POR: variants seen among roughly 807,000 people sequenced by gnomAD.
POR encodes the protein NADPH--cytochrome P450 reductase.
In POR, 56 loss-of-function variants were observed where a neutral mutation model predicts 84.0. The observed-to-expected ratio is 0.67, with a 90% confidence interval of 0.54 to 0.83. The LOEUF (loss-of-function observed/expected upper bound fraction) is 0.83, where lower values mean the gene tolerates loss of function less well. Among genes scored for constraint, POR ranks in the 40% least tolerant of loss-of-function variants. The pLI, the probability that POR is intolerant of heterozygous loss-of-function variation, is 0.00. For synonymous variants in POR, 414 were observed against 400.5 expected (o/e 1.03, Z -0.40); for missense variants, 938 against 944.3 (o/e 0.99, Z 0.09).
intron 1 of POR, among the ~76,000 whole-genome samples, chr7:75,916,701 A>G (rs1349068018): frequency 6.6e-6 from 1 of 152,156 alleles, no homozygotes; most frequent in Admixed American, 6.6e-5. Flanking sequence ...TAATTTTCCA[A>G]AATTCTTCAG....
chr7:75,981,795 C>T (rs1483465919), intron 7 of POR, 189 bp downstream of exon 7: 4 of 596,948 alleles, frequency 6.7e-6, no homozygotes, highest in African/African-American at 5.6e-5. Flanking sequence ...CCTGGGGCAG[C>T]GGGGTGCATC....
intron 1 of POR, among the ~76,000 whole-genome samples, chr7:75,951,061 G>GC (rs1563412468): frequency 5.4e-4 from 8 of 14,816 alleles, no homozygotes; most frequent in African/African-American, 8.8e-4. Flanking sequence ...TCTGTCCCCC[G>GC]GCCCCCCCCC....
chr7:75,986,129 C>T (rs1184595857), intron 14 of POR, 30 bp from the exon 15 acceptor site: 4 of 1,590,532 alleles, frequency 2.5e-6, no homozygotes, highest in Admixed American at 3.5e-5. Flanking sequence ...AGCCACAGTG[C>T]CCCCCTCACA....
intron 2 of POR, among the ~76,000 whole-genome samples, chr7:75,962,084 G>C (rs139668192): frequency 6.6e-6 from 1 of 152,192 alleles, no homozygotes; most frequent in African/African-American, 2.4e-5. Flanking sequence ...TCACACCTTG[G>C]AAGTCAACAG....
rs72557915 is a variant in POR, at chr7:75,981,169, G to A, written c.638G>A (p.Gly213Glu). 3 of 1,540,736 alleles carry A rather than the reference G, an allele frequency of 1.9e-6. No individual in the cohort carries two copies. The highest frequency in any genetic ancestry group is 2.0e-5 in the Admixed American group (1 of 50,208). Residue 213 changes from glycine to glutamate, a missense_variant, in exon 6 of 16, where the codon GGG becomes GAG. Physicochemically the swap from Gly to Glu is moderately conservative, Grantham distance 98. Transcript: ENST00000461988. ...GAGCTGGGGTTGGGCGACGACGATG[G>A]GAAGTGAGTGCCCACCCTGCCACCA...
chr7:75,917,456 G>A (rs957829013), intron 1 of POR, among the ~76,000 whole-genome samples: 9 of 143,762 alleles, frequency 6.3e-5, no homozygotes, highest in Non-Finnish European at 7.5e-5. Flanking sequence ...GAGGCTGGCC[G>A]CCCCTACAAG....
intron 3 of POR, among the ~76,000 whole-genome samples, chr7:75,976,303 C>A (rs1028606369): frequency 6.6e-6 from 1 of 151,922 alleles, no homozygotes; most frequent in Non-Finnish European, 1.5e-5. Flanking sequence ...ATTAGCCGGG[C>A]GTGGTGGCAT....
At chr7:75,968,399 T>C (rs1788281617) in intron 2 of POR, 1 of 400,786 alleles carries the variant, frequency 2.5e-6, no homozygotes, top group Non-Finnish European at 5.1e-6. Flanking sequence ...AAGGAAGGAA[T>C]TTGGACTGGA....
At chr7:75,933,844 A>G (rs1554550444) in intron 1 of POR, among the ~76,000 whole-genome samples, 2 of 150,644 alleles carry the variant, frequency 1.3e-5, no homozygotes, top group Admixed American at 6.6e-5. Flanking sequence ...TGCTTTATCA[A>G]TGTGTGTGTG....
chr7:75,968,187 C>A (rs540292235), intron 2 of POR: 4 of 462,516 alleles, frequency 8.6e-6, no homozygotes, highest in African/African-American at 2.0e-5. Context: ...GGCCAGGGGA[C>A]GCCTGCACCC....
At chr7:75,939,411 C>T (rs1181655352) in intron 1 of POR, among the ~76,000 whole-genome samples, 4 of 152,134 alleles carry the variant, frequency 2.6e-5, no homozygotes, top group African/African-American at 7.2e-5. Context: ...CACACAGAGC[C>T]GTGGCCTGCA....
Position 75,972,479 on chromosome 7 carries a change from C to T in POR, c.237+18C>T. On this transcript the variant is annotated intron_variant, in intron 3 of 15. Transcript: ENST00000461988. Reference sequence around the variant, plus strand: ...AGAAAACGGTGAGTTTCCTGCATGTCTTTACTCTTCTCAGGAAGCCTCGGC... The same window carrying T: ...AGAAAACGGTGAGTTTCCTGCATGTTTTTACTCTTCTCAGGAAGCCTCGGC... The T allele has an allele frequency of 6.3e-7, 1 of 1,591,658 alleles. No homozygotes were observed. The highest frequency in any genetic ancestry group is 8.6e-7 in the Non-Finnish European group (1 of 1,167,456).
intron 2 of POR, among the ~76,000 whole-genome samples, chr7:75,965,038 T>A (rs1268993146): frequency 1.3e-5 from 2 of 151,500 alleles, no homozygotes; most frequent in African/African-American, 4.9e-5. Flanking sequence ...AAAATCAATT[T>A]AAAAAAATGA....
intron 5 of POR, 32 bp downstream of exon 5, chr7:75,980,520 G>A (rs782279426): frequency 2.0e-5 from 32 of 1,612,568 alleles, no homozygotes; most frequent in South Asian, 3.3e-5. Context: ...ATGGGCTCCC[G>A]GTGGCCTGCG....
At chr7:75,930,309 C>T (rs553809387) in intron 1 of POR, among the ~76,000 whole-genome samples, 1 of 151,978 alleles carries the variant, frequency 6.6e-6, no homozygotes, top group South Asian at 2.1e-4. Flanking sequence ...GGGTACTAAC[C>T]CTTGTTTTAG....
At chr7:75,982,058 G>A (rs956303979) in intron 7 of POR, 166 bp from the exon 8 acceptor site, 21 of 634,562 alleles carry the variant, frequency 3.3e-5, no homozygotes, top group East Asian at 1.1e-4. Context: ...TTGCTCCCTC[G>A]CCTGCCCTCC....
At chr7:75,936,905 C>T (rs2116314643) in intron 1 of POR, among the ~76,000 whole-genome samples, 1 of 148,318 alleles carries the variant, frequency 6.7e-6, no homozygotes, top group Admixed American at 6.8e-5. Context: ...TGGCTCACTG[C>T]AAACTCCACC....
chr7:75,968,785 C>G (rs1585117845), intron 2 of POR, among the ~76,000 whole-genome samples: 1 of 152,234 alleles, frequency 6.6e-6, no homozygotes, highest in South Asian at 2.1e-4. Context: ...ACACCTTGTC[C>G]ACTCTGACGT....
intron 3 of POR, among the ~76,000 whole-genome samples, chr7:75,976,235 G>A (rs1788680533): frequency 6.6e-6 from 1 of 152,026 alleles, no homozygotes; most frequent in Non-Finnish European, 1.5e-5. Flanking sequence ...TATTTTTACG[G>A]TGATTATTTT....
Sources: allele counts gnomAD v4.1 joint callset (sites outside exome capture counted in the v4.1 genomes callset), GRCh38; gene constraint gnomAD v4.1.1; transcripts MANE v1.5; gene names NCBI Gene and HGNC (gene_info 2026-07-23, HGNC 2026-07-21).